QPRT: variants seen among roughly 807,000 people sequenced by gnomAD.
QPRT encodes the protein quinolinate phosphoribosyltransferase, also known as nicotinate-nucleotide pyrophosphorylase [carboxylating].
In QPRT, 17 loss-of-function variants were observed where a neutral mutation model predicts 19.8. The ratio of observed to expected loss-of-function variants is 0.86; its 90% confidence interval spans 0.59 to 1.29. The LOEUF (loss-of-function observed/expected upper bound fraction) is 1.29. Ranked by LOEUF, QPRT falls within the 50% of genes most tolerant of loss-of-function variation. The pLI is 0.00. For synonymous variants in QPRT, 178 were observed against 191.0 expected, an observed-to-expected ratio of 0.93 and a Z score of 0.56; for missense variants, 336 against 405.1, an observed-to-expected ratio of 0.83 and a Z score of 1.46.
chr16:29,695,536 C>A lies in QPRT; in HGVS notation c.549+337C>A, dbSNP rs188095327. Among the ~76,000 whole-genome samples the A allele has an allele frequency of 3.4e-3, 462 of 137,266 alleles. 5 individuals are homozygous for A. The highest frequency in any genetic ancestry group is 3.9e-3 in the Non-Finnish European group (259 of 65,872). The allele number at this position is 137,266 out of a possible 152,430, so 90.1% of individuals were successfully genotyped here. On this transcript the variant is annotated intron_variant, in intron 2 of 3. Transcript: ENST00000395384. ...ATGGAGTCTCACTCTTTCACCCAGGCTGGAGTGAAGTGATGCAATCTCGGC... is the reference window on the plus strand; with the variant it reads ...ATGGAGTCTCACTCTTTCACCCAGGATGGAGTGAAGTGATGCAATCTCGGC...
At chr16:29,688,782 CTT>C (rs201491801) in intron 1 of QPRT, among the ~76,000 whole-genome samples, 16 of 133,808 alleles carry the variant, frequency 1.2e-4, no homozygotes, top group Non-Finnish European at 1.1e-4. Flanking sequence ...TTTTTATTCT[CTT>C]TTTTTTTTTT....
At position 29,697,366 on chromosome 16, in the gene QPRT, C is replaced by T; in HGVS notation, c.849C>T (p.Leu283=). The T allele has an allele frequency of 6.2e-7, 1 of 1,613,982 alleles. No individual in the cohort carries two copies. The highest frequency in any genetic ancestry group is 1.1e-5 in the South Asian group (1 of 91,088). The change falls in exon 4 of 4, where the codon CTC becomes CTT. Residue 283 remains leucine (L), a synonymous_variant. Transcript: ENST00000395384. The surrounding 1 kb of genome is among the most constrained non-coding windows in gnomAD (Gnocchi z 4.4). Reference sequence around the variant, plus strand: ...CGGCCCCAGCCCTTGATTTCTCCCTCAAGCTGTTTGCCAAAGAGGTGGCTC... The same window carrying T: ...CGGCCCCAGCCCTTGATTTCTCCCTTAAGCTGTTTGCCAAAGAGGTGGCTC... The part of the protein sequence containing the change: ...TQAAPALDFS[L]KLFAKEVAPV...
intron 1 of QPRT, among the ~76,000 whole-genome samples, chr16:29,693,590 T>G (rs1431725149): frequency 6.9e-6 from 1 of 145,408 alleles, no homozygotes; most frequent in Non-Finnish European, 1.5e-5. Flanking sequence ...TTTTTTATTT[T>G]TATTACTATT....
At chr16:29,696,530 C>G (rs1967539217) in intron 2 of QPRT, 1 of 153,724 alleles carries the variant, frequency 6.5e-6, no homozygotes. Flanking sequence ...CGCCTGTAAT[C>G]CCAGCACTTT....
At chr16:29,694,548 A>C in intron 1 of QPRT, 116 bp from the exon 2 acceptor site, 2 of 1,109,004 alleles carry the variant, frequency 1.8e-6, no homozygotes, top group South Asian at 2.0e-5. Context: ...TGGGACCCCT[A>C]GATCTTGAGG....
chr16:29,686,950 T>C (rs1189233774), intron 1 of QPRT, among the ~76,000 whole-genome samples: 1 of 152,208 alleles, frequency 6.6e-6, no homozygotes, highest in Non-Finnish European at 1.5e-5. Flanking sequence ...CTGTGTGGGG[T>C]GTTAATAATT....
In QPRT at chr16:29,684,593, C is replaced by T. The variant is rs553556916; in HGVS notation, c.13+5383C>T. Reference sequence around the variant, plus strand: ...TGATCTCCTGACCTCGTGATCCTCCCGCCTCGGCCTCCCAAAGCGCTGGGA... The same window carrying T: ...TGATCTCCTGACCTCGTGATCCTCCTGCCTCGGCCTCCCAAAGCGCTGGGA... On this transcript the variant is annotated intron_variant, in intron 1 of 3. Transcript: ENST00000395384. Among the ~76,000 whole-genome samples, 9 of 152,146 alleles carry T rather than the reference C, an allele frequency of 5.9e-5. No individual in the cohort carries two copies. The South Asian group carries it at 1.2e-3, about 21-fold the overall frequency.
chr16:29,697,436 C>T lies in QPRT; in HGVS notation c.*25C>T, dbSNP rs771217824. On this transcript the variant is annotated 3_prime_UTR_variant, in exon 4 of 4. Coordinates refer to ENST00000395384, the MANE Select transcript of QPRT (RefSeq NM_014298.6). The surrounding 1 kb of genome is among the most constrained non-coding windows in gnomAD (Gnocchi z 4.4). Reference sequence around the variant, plus strand: ...GTCCTAAACCGGAAGAGGATGACACCGGCCATGGGTTAACGTGGCTCCTCA... The same window carrying T: ...GTCCTAAACCGGAAGAGGATGACACTGGCCATGGGTTAACGTGGCTCCTCA... 7 of 1,593,030 alleles carry T rather than the reference C, an allele frequency of 4.4e-6. No homozygotes were observed. Among genetic ancestry groups the T allele is most frequent in the East Asian group, 4.5e-5 (2 of 44,540 alleles).
intron 1 of QPRT, among the ~76,000 whole-genome samples, chr16:29,684,285 A>G (rs1030310752): frequency 6.6e-6 from 1 of 151,820 alleles, no homozygotes; most frequent in African/African-American, 2.4e-5. Flanking sequence ...ATGCCCAGCT[A>G]ACTTTTTCTT....
In QPRT at chr16:29,684,915, G is replaced by A. The variant is rs374336136; in HGVS notation, c.13+5705G>A. The stretch of plus-strand genomic sequence containing the variant: ...GAACAGGGGTGCCCGCGGCTGGCAC[G>A]CCATGGCTGGCACGCCATGGCACTC... On this transcript the variant is annotated intron_variant, in intron 1 of 3. Transcript: ENST00000395384. Among the ~76,000 whole-genome samples the A allele has an allele frequency of 2.6e-4, 39 of 152,148 alleles. No individual in the cohort carries two copies. In the South Asian group the frequency reaches 4.4e-3, roughly 17 times the overall value.
intron 2 of QPRT, among the ~76,000 whole-genome samples, chr16:29,695,484 C>CTTTTTTTTT (rs962384967): frequency 9.6e-5 from 9 of 93,606 alleles, no homozygotes; most frequent in African/African-American, 1.7e-4. Context: ...CTAATTTTTG[C>CTTTTTTTTT]TTTTTTTTTT....
At chr16:29,685,250 CACCTGAGGTCAAGAGTTCAA>C (rs1469535808) in intron 1 of QPRT, among the ~76,000 whole-genome samples, 1 of 151,782 alleles carries the variant, frequency 6.6e-6, no homozygotes, top group Non-Finnish European at 1.5e-5. Flanking sequence ...GCAGGTGGAT[CACCTGAGGTCAAGAGTTCAA>C]GAACCAGCCT....
At position 29,679,983 on chromosome 16, in the gene QPRT, G is replaced by A. The variant is rs578118386; in HGVS notation, c.13+773G>A. ...TCTTTTTTTTTTTTTTTTTTGAGACGGAGTCTCGCTTTCCCCCAGGCTGGA... is the reference window on the plus strand; with the variant it reads ...TCTTTTTTTTTTTTTTTTTTGAGACAGAGTCTCGCTTTCCCCCAGGCTGGA... On this transcript the variant is annotated intron_variant, in intron 1 of 3. Coordinates refer to ENST00000395384, the MANE Select transcript of QPRT (RefSeq NM_014298.6). 2.9e-3 allele frequency among the ~76,000 whole-genome samples: 419 copies of A among 143,960 alleles called. 3 individuals carry two copies. Among genetic ancestry groups the A allele is most frequent in the African/African-American group, 0.011 (401 of 38,088 alleles). The allele number at this position is 143,960 out of a possible 152,430, so 94.4% of individuals were successfully genotyped here. A position where few individuals can be genotyped will look rare whatever the true frequency, so the allele number is the denominator to read the frequency against.
intron 1 of QPRT, among the ~76,000 whole-genome samples, chr16:29,685,836 TACTTAAAAATAATAAAATAA>T (rs1967145070): frequency 6.6e-6 from 1 of 151,868 alleles, no homozygotes; most frequent in African/African-American, 2.4e-5. Flanking sequence ...CCCCCGTCTC[TACTTAAAAATAATAAAATAA>T]AATGAAAAGA....
intron 2 of QPRT, 191 bp from the exon 3 acceptor site, chr16:29,696,805 C>T (rs1967549068): frequency 3.2e-6 from 2 of 619,264 alleles, no homozygotes; most frequent in South Asian, 4.8e-5. Flanking sequence ...GCAAAAACAA[C>T]CCCAAAGTCT....
Position 29,694,833 on chromosome 16 carries a change from T to G in QPRT, c.183T>G (p.Asp61Glu). ...PGVLAGQPFFDAIFTQLNCQV... is the reference protein window; with the variant it reads ...PGVLAGQPFFEAIFTQLNCQV... ...TACTGGCAGGGCAGCCTTTCTTCGA[T>G]GCCATATTTACCCAACTCAACTGCC... Residue 61 changes from aspartate (D) to glutamate (E), a missense_variant, in exon 2 of 4, where the codon GAT (aspartate) becomes GAG (glutamate). By Grantham distance (45) the Asp-to-Glu change is conservative (BLOSUM62 2). Transcript: ENST00000395384. 3.1e-6 allele frequency: 5 copies of G among 1,614,088 alleles called. No homozygotes were observed. The highest frequency in any genetic ancestry group is 4.2e-6 in the Non-Finnish European group (5 of 1,179,962).
At chr16:29,694,341 G>A (rs1484511767) in intron 1 of QPRT, among the ~76,000 whole-genome samples, 3 of 150,862 alleles carry the variant, frequency 2.0e-5, no homozygotes, top group Non-Finnish European at 3.0e-5. Context: ...GAATGGTCTC[G>A]ATCTCCTGAC....
At chr16:29,683,596 C>T (rs1440194252) in intron 1 of QPRT, among the ~76,000 whole-genome samples, 2 of 151,888 alleles carry the variant, frequency 1.3e-5, no homozygotes, top group Non-Finnish European at 2.9e-5. Flanking sequence ...TGGCCTCAAG[C>T]GATCCTTCTG....
chr16:29,691,889 G>A (rs1967349014), intron 1 of QPRT, among the ~76,000 whole-genome samples: 1 of 152,176 alleles, frequency 6.6e-6, no homozygotes, highest in Non-Finnish European at 1.5e-5. Context: ...GGGTGAGTGA[G>A]TGGAGACTCA....
Sources: allele counts gnomAD v4.1 joint callset (sites outside exome capture counted in the v4.1 genomes callset), GRCh38; gene constraint gnomAD v4.1.1; non-coding constraint Gnocchi (gnomAD v3.1); transcripts MANE v1.5; gene names NCBI Gene and HGNC (gene_info 2026-07-23, HGNC 2026-07-21).